XG: variants seen among roughly 807,000 people sequenced by gnomAD.
XG encodes Xg glycoprotein (Xg blood group), also known as glycoprotein Xg.
A neutral mutation model predicts 25.7 loss-of-function variants in XG; 24 were observed. The observed-to-expected ratio is 0.93, with a 90% confidence interval of 0.68 to 1.31. The LOEUF is 1.31. Among genes scored for constraint, XG ranks in the 40% most tolerant of loss-of-function variants. XG has a pLI of 0.00. For synonymous variants in XG, 77 were observed against 69.2 expected, an observed-to-expected ratio of 1.11 and a Z score of -0.56; for missense variants, 181 against 187.6, an observed-to-expected ratio of 0.96 and a Z score of 0.21.
chrX:2,752,564 A>C (rs1362006437), intron 1 of XG, among the ~76,000 whole-genome samples: 1 of 152,092 alleles, frequency 6.6e-6, no homozygotes, highest in Admixed American at 6.6e-5. Context: ...GTTAGCTGAT[A>C]CCATCTAGAT....
chrX:2,800,975 C>CA (rs55635919), intron 7 of XG, among the ~76,000 whole-genome samples: 9,464 of 35,203 alleles, frequency 0.27, 915 homozygotes, highest in African/African-American at 0.3. Context: ...GACCCTGTCT[C>CA]AAAAAAAAAA....
chrX:2,777,251 C>G (rs964203693), intron 3 of XG, among the ~76,000 whole-genome samples: 4 of 152,084 alleles, frequency 2.6e-5, no homozygotes, highest in Non-Finnish European at 5.9e-5. Context: ...ATGAGGCTAC[C>G]TTCACAGAGA....
At chrX:2,810,263 C>T (rs1009234582) in intron 9 of XG, among the ~76,000 whole-genome samples, 12 of 111,964 alleles carry the variant, frequency 1.1e-4, no homozygotes, top group East Asian at 2.8e-4. Flanking sequence ...CAAATGGAAA[C>T]GGTGATTTCT....
At chrX:2,768,944 G>C (rs1226227668) in intron 1 of XG, among the ~76,000 whole-genome samples, 1 of 152,166 alleles carries the variant, frequency 6.6e-6, no homozygotes, top group Non-Finnish European at 1.5e-5. Flanking sequence ...GGCCGTGTGG[G>C]ATTTGACCTG....
intron 1 of XG, among the ~76,000 whole-genome samples, chrX:2,754,396 T>C (rs1569456688): frequency 6.6e-6 from 1 of 152,172 alleles, no homozygotes; most frequent in Non-Finnish European, 1.5e-5. Context: ...CACCATACCC[T>C]GTCCTGCGCT....
At chrX:2,806,196 C>G (rs1236363658) in intron 7 of XG, among the ~76,000 whole-genome samples, 1 of 108,701 alleles carries the variant, frequency 9.2e-6, no homozygotes, top group Non-Finnish European at 1.9e-5. Context: ...CCACACCCAG[C>G]TATTTTTTTT....
chrX:2,752,189 G>C lies in XG; in HGVS notation c.-86G>C. The C allele has an allele frequency of 6.3e-7, 1 of 1,595,016 alleles. No individual in the cohort carries two copies. ...TTCCTTCCAAGCTGGGAGACCAGAA[G>C]TCAACAACAGGAGGGTGGAGAGGCC... is the stretch of plus-strand genomic sequence containing the variant. On this transcript the variant is annotated 5_prime_UTR_variant, in exon 1 of 11. Transcript: ENST00000644266.
At chrX:2,778,446 G>A (rs912383841) in intron 3 of XG, among the ~76,000 whole-genome samples, 1 of 152,160 alleles carries the variant, frequency 6.6e-6, no homozygotes, top group African/African-American at 2.4e-5. Flanking sequence ...TCAGGAGGCT[G>A]AGGTGGGAGG....
At chrX:2,777,607 AT>A (rs1021786179) in intron 3 of XG, among the ~76,000 whole-genome samples, 1 of 152,156 alleles carries the variant, frequency 6.6e-6, no homozygotes, top group Non-Finnish European at 1.5e-5. Context: ...ATAAAAAAAA[AT>A]AATAAATTAA....
chrX:2,792,420 C>T (rs1233811159), intron 5 of XG, among the ~76,000 whole-genome samples: 5 of 111,253 alleles, frequency 4.5e-5, no homozygotes, highest in African/African-American at 1.6e-4. Flanking sequence ...CTGCAGCCTC[C>T]ACCTCCTGGG....
At chrX:2,764,490 G>A (rs1314129238) in intron 1 of XG, among the ~76,000 whole-genome samples, 3 of 151,882 alleles carry the variant, frequency 2.0e-5, no homozygotes, top group African/African-American at 7.3e-5. Flanking sequence ...ATACACATAG[G>A]TATTTTTTAA....
Position 2,806,098 on chromosome X carries a change from G to C in XG, c.374-603G>C, listed in dbSNP as rs749596229. Among the ~76,000 whole-genome samples, 46 of 112,017 alleles carry C rather than the reference G, an allele frequency of 4.1e-4. No individual in the cohort carries two copies. In the East Asian group the frequency reaches 0.012, roughly 30 times the overall value. ...CCTGGAGTGCAGGGACGTGATCATA[G>C]ATCATTGCAGCCTCCACCTCCTGGG... is the stretch of plus-strand genomic sequence containing the variant. On this transcript the variant is annotated intron_variant, in intron 7 of 10. Transcript: ENST00000644266.
At chrX:2,813,429 T>G (rs1603458063) in intron 10 of XG, among the ~76,000 whole-genome samples, 1 of 112,446 alleles carries the variant, frequency 8.9e-6, no homozygotes, top group East Asian at 2.8e-4. Context: ...GGCTCAGAGC[T>G]CTGCGAACTT....
chrX:2,765,051 A>G (rs2050647809), intron 1 of XG, among the ~76,000 whole-genome samples: 4 of 140,672 alleles, frequency 2.8e-5, no homozygotes, highest in South Asian at 4.9e-4. Context: ...CAAAAAAAAA[A>G]AAAAAAAAAA....
At chrX:2,771,002 A>G (rs2050805955) in intron 2 of XG, among the ~76,000 whole-genome samples, 1 of 151,892 alleles carries the variant, frequency 6.6e-6, no homozygotes, top group Non-Finnish European at 1.5e-5. Flanking sequence ...GTGTGCCCCC[A>G]TGCCAAGCTA....
chrX:2,780,284 A>T (rs1391827628), intron 3 of XG, among the ~76,000 whole-genome samples: 1 of 150,608 alleles, frequency 6.6e-6, no homozygotes, highest in African/African-American at 2.4e-5. Context: ...GACAAGAAAA[A>T]TTCAAAGAAG....
In XG at chrX:2,765,455, A is replaced by G. The variant is rs764502134; in HGVS notation, c.62-5095A>G. Among the ~76,000 whole-genome samples, 4 of 150,726 alleles carry G rather than the reference A, an allele frequency of 2.7e-5. No homozygotes were observed. The East Asian group carries it at 5.8e-4, about 22-fold the overall frequency. ...AGGGCTTTGTTTCACCAGGGCACGCAGATCAAAGGACATTGGATTGAATAA... is the reference window on the plus strand; with the variant it reads ...AGGGCTTTGTTTCACCAGGGCACGCGGATCAAAGGACATTGGATTGAATAA... On this transcript the variant is annotated intron_variant, in intron 1 of 10. Transcript: ENST00000644266.
chrX:2,759,132 G>A (rs311120), intron 1 of XG, among the ~76,000 whole-genome samples: 121,336 of 152,046 alleles, frequency 0.8, 48,602 homozygotes, highest in Admixed American at 0.84. Flanking sequence ...TGTGTTCCTC[G>A]AGTAACACTT....
chrX:2,808,595 C>G, intron 9 of XG: 1 of 745,136 alleles, frequency 1.3e-6, no homozygotes, highest in African/African-American at 2.3e-5. Flanking sequence ...ACACTCTGCC[C>G]AAAGAAGCCA....
Sources: gnomAD v4.1 joint callset for allele counts (sites outside exome capture counted in the v4.1 genomes callset) on GRCh38, gnomAD v4.1.1 for gene constraint, MANE v1.5 for transcripts, NCBI Gene and HGNC (gene_info 2026-07-23, HGNC 2026-07-21) for gene names.